Variants in CLIC5 observed in about 807,000 individuals in gnomAD.
CLIC5 encodes chloride intracellular channel protein 5.
Under a neutral mutation model 24.7 loss-of-function variants are expected in CLIC5, and 20 were observed. That is an observed-to-expected ratio of 0.81 (90% confidence interval 0.57 to 1.18). CLIC5 has a LOEUF of 1.18. Ranked by LOEUF, CLIC5 falls within the 50% of genes most tolerant of loss-of-function variation. CLIC5 has a pLI of 0.00. For synonymous variants in CLIC5, 159 were observed against 135.6 expected (o/e 1.17, Z -1.20); for missense variants, 341 against 326.1 (o/e 1.05, Z -0.35).
upstream of CLIC5, among the ~76,000 whole-genome samples, chr6:46,020,029 A>G (rs1053626083): frequency 1.3e-5 from 2 of 152,126 alleles, no homozygotes; most frequent in African/African-American, 4.8e-5. Context: ...CAAAAAATCC[A>G]TAAGAATATA....
At chr6:46,011,792 C>T (rs1242504024) in intron 1 of CLIC5, among the ~76,000 whole-genome samples, 1 of 152,230 alleles carries the variant, frequency 6.6e-6, no homozygotes, top group African/African-American at 2.4e-5. Flanking sequence ...ATAAACCACA[C>T]TCACTGCCAT....
the CLIC5 span, among the ~76,000 whole-genome samples, chr6:46,109,513 T>TAAAAAAA: frequency 6.4e-5 from 3 of 47,182 alleles, no homozygotes; most frequent in African/African-American, 9.9e-5. Context: ...CAGTCTCCAC[T>TAAAAAAA]AAAAAAAAAA....
intron 5 of CLIC5, 23 bp downstream of exon 5, chr6:45,914,205 C>G (rs754931274): frequency 1.3e-6 from 2 of 1,522,724 alleles, no homozygotes. Context: ...TCTTGCAGGC[C>G]CCTGTGGGTA....
chr6:45,934,013 A>G (rs2127355096), intron 4 of CLIC5, among the ~76,000 whole-genome samples: 1 of 152,198 alleles, frequency 6.6e-6, no homozygotes, highest in East Asian at 1.9e-4. Context: ...GAAAATGGAA[A>G]CCACAGCTCC....
intron 1 of CLIC5, among the ~76,000 whole-genome samples, chr6:45,958,475 TAA>T (rs1764740138): frequency 3.7e-5 from 3 of 81,360 alleles, no homozygotes; most frequent in Non-Finnish European, 5.5e-5. Flanking sequence ...TATATATATA[TAA>T]ACAGCTAATG....
chr6:45,957,402 G>T (rs1200674865), intron 1 of CLIC5, among the ~76,000 whole-genome samples: 2 of 152,136 alleles, frequency 1.3e-5, no homozygotes, highest in Non-Finnish European at 2.9e-5. Context: ...TAAAATAACT[G>T]GCCTAAGGTT....
At chr6:46,125,833 T>C in the CLIC5 span, among the ~76,000 whole-genome samples, 37 of 152,254 alleles carry the variant, frequency 2.4e-4, no homozygotes, top group African/African-American at 8.4e-4. Context: ...AATTGCCAAA[T>C]AGGTAAGCTT....
At chr6:45,969,329 G>A (rs908240588) in intron 1 of CLIC5, among the ~76,000 whole-genome samples, 8 of 152,136 alleles carry the variant, frequency 5.3e-5, no homozygotes, top group Non-Finnish European at 1.2e-4. Flanking sequence ...AGCTGCTTCT[G>A]GGCTCTGCCT....
At chr6:45,910,455 A>C (rs1762785661) in intron 5 of CLIC5, among the ~76,000 whole-genome samples, 1 of 152,216 alleles carries the variant, frequency 6.6e-6, no homozygotes, top group Non-Finnish European at 1.5e-5. Context: ...AGTGTAATAA[A>C]ATAATTTTAA....
chr6:46,126,544 T>G, the CLIC5 span, among the ~76,000 whole-genome samples: 3 of 152,342 alleles, frequency 2.0e-5, no homozygotes, highest in East Asian at 5.8e-4. Context: ...TTGATTGAGA[T>G]TATTCCAATA....
intron 1 of CLIC5, among the ~76,000 whole-genome samples, chr6:45,985,703 G>C (rs1765711604): frequency 6.6e-6 from 1 of 152,120 alleles, no homozygotes; most frequent in South Asian, 2.1e-4. Context: ...TCCCTACCAG[G>C]CCACTCTGGG....
At chr6:45,991,460 C>G (rs182256933) in intron 1 of CLIC5, among the ~76,000 whole-genome samples, 2 of 152,306 alleles carry the variant, frequency 1.3e-5, no homozygotes, top group Non-Finnish European at 2.9e-5. Context: ...GGATGCAGTC[C>G]TAGCTGACAC....
At chr6:45,998,122 C>T (rs944286164) in intron 1 of CLIC5, among the ~76,000 whole-genome samples, 2 of 152,234 alleles carry the variant, frequency 1.3e-5, no homozygotes, top group African/African-American at 2.4e-5. Flanking sequence ...AATGGCTTTC[C>T]TGCTTGAATG....
At chr6:46,025,899 A>C (rs1336374891) in intron 1 of CLIC5, among the ~76,000 whole-genome samples, 1 of 152,094 alleles carries the variant, frequency 6.6e-6, no homozygotes, top group Non-Finnish European at 1.5e-5. Flanking sequence ...CCTCCCGCCA[A>C]GTAAGACATG....
chr6:45,923,834 C>T (rs914413632), intron 4 of CLIC5, among the ~76,000 whole-genome samples: 2 of 152,170 alleles, frequency 1.3e-5, no homozygotes, highest in African/African-American at 4.8e-5. Context: ...AAGTCAAGAG[C>T]ACAGATCATG....
the CLIC5 span, among the ~76,000 whole-genome samples, chr6:46,100,501 A>C: frequency 6.6e-6 from 1 of 152,146 alleles, no homozygotes; most frequent in Non-Finnish European, 1.5e-5. Context: ...CAGGAGCTAC[A>C]CTAGCTACAG....
chr6:46,004,737 T>G (rs1040669955), intron 1 of CLIC5, among the ~76,000 whole-genome samples: 1 of 151,948 alleles, frequency 6.6e-6, no homozygotes, highest in African/African-American at 2.4e-5. Flanking sequence ...CCCTGTTATA[T>G]TCACAAAGTA....
intron 1 of CLIC5, among the ~76,000 whole-genome samples, chr6:46,030,218 C>T (rs146734878): frequency 5.1e-4 from 78 of 152,210 alleles, no homozygotes; most frequent in Non-Finnish European, 8.8e-4. Flanking sequence ...GTCCATATCC[C>T]GCATTTTCTT....
intron 1 of CLIC5, among the ~76,000 whole-genome samples, chr6:45,978,201 A>G (rs974541481): frequency 1.3e-5 from 2 of 152,204 alleles, no homozygotes; most frequent in Non-Finnish European, 1.5e-5. Flanking sequence ...ACTGCTCAAT[A>G]AACAGCATTA....
Sources: gnomAD v4.1 joint callset for allele counts (sites outside exome capture counted in the v4.1 genomes callset) on GRCh38, gnomAD v4.1.1 for gene constraint, MANE v1.5 for transcripts, NCBI Gene and HGNC (gene_info 2026-07-23, HGNC 2026-07-21) for gene names.